The following RGS12 variants were observed in gnomAD, a reference collection of about 807,000 sequenced individuals.
RGS12 encodes the protein regulator of G-protein signaling 12.
RGS12 carries 66 observed loss-of-function variants against 120.1 expected under a neutral mutation model. The ratio of observed to expected loss-of-function variants is 0.55; its 90% CI spans 0.45 to 0.67. The LOEUF is 0.67. RGS12 is among the 30% of genes least tolerant of loss of function. The pLI is 0.00. For missense variants in RGS12, 1,859 were observed against 1,957.7 expected (o/e 0.95, Z 0.95); for synonymous variants, 827 against 804.7 (o/e 1.03, Z -0.47).
chr4:3,386,826 G>C (rs1052617536), intron 4 of RGS12, among the ~76,000 whole-genome samples: 7 of 152,208 alleles, frequency 4.6e-5, no homozygotes, highest in African/African-American at 1.7e-4. Flanking sequence ...GAGCAATTCA[G>C]GAAATTTGGG....
intron 4 of RGS12, among the ~76,000 whole-genome samples, chr4:3,397,490 G>T (rs898551672): frequency 6.6e-6 from 1 of 152,214 alleles, no homozygotes; most frequent in African/African-American, 2.4e-5. Flanking sequence ...GAGTAGTCGT[G>T]TGTGCACATG....
At position 3,391,676 on chromosome 4, in the gene RGS12, G is replaced by A. The variant is rs147836551; in HGVS notation, c.2020+5239G>A. Among the ~76,000 whole-genome samples the A allele has an allele frequency of 2.8e-4, 42 of 152,282 alleles. No individual in the cohort carries two copies. In the East Asian group the frequency reaches 7.1e-3, roughly 26 times the overall value. ...ACCCTAGGCGTGAGAAGCAGTGTCC[G>A]CCCTGTTTGGTGGTCTGGAGGCCAT... On this transcript the variant is annotated intron_variant, in intron 4 of 17. Coordinates refer to ENST00000336727, the MANE Select transcript of RGS12 (RefSeq NM_001394154.1).
chr4:3,357,998 A>G (rs1308244662), intron 3 of RGS12, among the ~76,000 whole-genome samples: 4 of 152,150 alleles, frequency 2.6e-5, no homozygotes, highest in African/African-American at 9.7e-5. Flanking sequence ...GGGATATGTT[A>G]TATTTACTTA....
intron 4 of RGS12, among the ~76,000 whole-genome samples, chr4:3,402,685 G>A (rs1246136501): frequency 6.6e-6 from 1 of 152,068 alleles, no homozygotes; most frequent in Non-Finnish European, 1.5e-5. Flanking sequence ...GTCCTCTGGT[G>A]GGGCCAAGCC....
At chr4:3,385,479 C>T (rs1458475294) in intron 3 of RGS12, 1 of 152,710 alleles carries the variant, frequency 6.5e-6, no homozygotes, top group East Asian at 1.9e-4. Flanking sequence ...TGGGCTTGTC[C>T]CGTACCTGCC....
At chr4:3,331,641 A>G (rs1272521007) in intron 2 of RGS12, among the ~76,000 whole-genome samples, 1 of 152,032 alleles carries the variant, frequency 6.6e-6, no homozygotes, top group Non-Finnish European at 1.5e-5. Flanking sequence ...GGATAATTCT[A>G]AAAGGGTCAC....
intron 2 of RGS12, among the ~76,000 whole-genome samples, chr4:3,333,296 G>T (rs59899559): frequency 1.3e-5 from 2 of 152,106 alleles, no homozygotes; most frequent in African/African-American, 4.8e-5. Context: ...TGATCCACCC[G>T]CCTCGGCCTC....
At chr4:3,386,589 G>A in intron 4 of RGS12, 152 bp downstream of exon 4, 8 of 681,164 alleles carry the variant, frequency 1.2e-5, no homozygotes, top group Non-Finnish European at 2.0e-5. Context: ...TTAATTCTGG[G>A]GGCGCTTTCT....
Position 3,435,498 on chromosome 4 carries a change from C to G in RGS12, c.4115-3957C>G, listed in dbSNP as rs1454689577. ...CCTGCAAAGCTGCTGAGGGCATCTG[C>G]TAGGTGCCTCTCCAAAGCCCCCTCT... On this transcript the variant is annotated intron_variant, in intron 17 of 17. Transcript: ENST00000336727. Among the ~76,000 whole-genome samples, 3 of 151,674 alleles carry G rather than the reference C, an allele frequency of 2.0e-5. No individual in the cohort carries two copies. The East Asian group carries it at 5.8e-4, about 30-fold the overall frequency.
chr4:3,436,127 TG>T (rs149536460), intron 17 of RGS12, among the ~76,000 whole-genome samples: 19,840 of 151,882 alleles, frequency 0.13, 1,782 homozygotes, highest in Non-Finnish European at 0.18. Flanking sequence ...AGGGGGACCT[TG>T]GGGGGGTCAC....
At chr4:3,415,934 G>A (rs751747832) in intron 6 of RGS12, 44 bp from the exon 7 acceptor site, 9 of 1,570,198 alleles carry the variant, frequency 5.7e-6, no homozygotes, top group Non-Finnish European at 7.8e-6. Context: ...AGGAGTGCGG[G>A]GAGAGGAAGC....
chr4:3,340,497 C>T (rs1462734570), intron 2 of RGS12, among the ~76,000 whole-genome samples: 3 of 152,162 alleles, frequency 2.0e-5, no homozygotes, highest in Non-Finnish European at 4.4e-5. Context: ...GGCGGGCGCC[C>T]GGGGTGTGGA....
intron 3 of RGS12, among the ~76,000 whole-genome samples, chr4:3,367,933 G>A (rs745390271): frequency 6.6e-6 from 1 of 152,254 alleles, no homozygotes; most frequent in East Asian, 1.9e-4. Context: ...AATAAACCAC[G>A]TAGACAATGT....
At chr4:3,415,729 G>C (rs570557583) in intron 6 of RGS12, among the ~76,000 whole-genome samples, 1 of 152,378 alleles carries the variant, frequency 6.6e-6, no homozygotes, top group East Asian at 1.9e-4. Flanking sequence ...TTGCCCCTGC[G>C]CAGCTGCTGC....
chr4:3,416,770 G>T, intron 7 of RGS12, 143 bp from the exon 8 acceptor site: 2 of 727,412 alleles, frequency 2.7e-6, no homozygotes, highest in Non-Finnish European at 4.6e-6. Context: ...AGTACCCTCA[G>T]GGCTGGCGGG....
At chr4:3,307,885 C>G (rs1451204205) in intron 1 of RGS12, among the ~76,000 whole-genome samples, 1 of 152,248 alleles carries the variant, frequency 6.6e-6, no homozygotes, top group Non-Finnish European at 1.5e-5. Flanking sequence ...TTCTTTCTTC[C>G]CAAAGTTCCA....
chr4:3,364,035 C>T (rs530677686), intron 3 of RGS12, among the ~76,000 whole-genome samples: 50 of 152,318 alleles, frequency 3.3e-4, no homozygotes, highest in Admixed American at 1.2e-3. Flanking sequence ...ACGCTTCCCT[C>T]TCCGATTCTG....
At chr4:3,294,788 C>T (rs148495101) in intron 1 of RGS12, among the ~76,000 whole-genome samples, 89 of 152,340 alleles carry the variant, frequency 5.8e-4, no homozygotes, top group Non-Finnish European at 7.8e-4. Context: ...TGCAATGATG[C>T]GGATGCCTCT....
rs1724739782 is a variant in RGS12, at chr4:3,316,273, A to G, written c.103A>G (p.Thr35Ala). 2 of 1,613,914 alleles carry G rather than the reference A, an allele frequency of 1.2e-6. No individual in the cohort carries two copies. Among genetic ancestry groups the G allele is most frequent in the Non-Finnish European group, 8.5e-7 (1 of 1,179,874 alleles). The change falls in exon 2 of 18, where the codon ACG becomes GCG. Residue 35 changes from threonine to alanine, a missense_variant. By Grantham distance (58) the Thr-to-Ala change is moderately conservative. Coordinates refer to ENST00000336727, the MANE Select transcript of RGS12 (RefSeq NM_001394154.1). ...VARGRAGYGF[T>A]LSGQAPCVLS... Reference sequence around the variant, plus strand: ...CCGGGGGAGGGCCGGCTACGGATTCACGCTTTCGGGACAGGCACCCTGTGT... The same window carrying G: ...CCGGGGGAGGGCCGGCTACGGATTCGCGCTTTCGGGACAGGCACCCTGTGT...
Sources: gnomAD v4.1 joint callset for allele counts (sites outside exome capture counted in the v4.1 genomes callset) on GRCh38, gnomAD v4.1.1 for gene constraint, MANE v1.5 for transcripts, NCBI Gene and HGNC (gene_info 2026-07-23, HGNC 2026-07-21) for gene names.